Variants in NXPE4 observed in about 807,000 individuals in gnomAD.
NXPE4 encodes the protein NXPE family member 4.
NXPE4 carries 42 observed loss-of-function variants against 33.3 expected under a neutral mutation model. The observed-to-expected ratio is 1.26, with a 90% CI of 0.98 to 1.63. The LOEUF (loss-of-function observed/expected upper bound fraction) is 1.63. NXPE4 is among the 40% of genes most tolerant of loss of function. The pLI, the probability that NXPE4 is intolerant of heterozygous loss-of-function variation, is 0.00. For missense variants in NXPE4, 709 were observed against 647.6 expected (o/e 1.09, Z -1.03); for synonymous variants, 253 against 234.9 (o/e 1.08, Z -0.71).
chr11:114,623,996 G>A, the NXPE4 span, among the ~76,000 whole-genome samples: 2 of 152,108 alleles, frequency 1.3e-5, no homozygotes, highest in Non-Finnish European at 2.9e-5. Flanking sequence ...GGTAACCACT[G>A]TTACCCGGTG....
At chr11:114,641,562 A>T in the NXPE4 span, among the ~76,000 whole-genome samples, 2 of 152,116 alleles carry the variant, frequency 1.3e-5, no homozygotes, top group East Asian at 3.9e-4. Context: ...AGCAGTGAAA[A>T]TTAAGACTAA....
Position 114,582,598 on chromosome 11 carries a change from G to A in NXPE4, c.520C>T (p.Gln174Ter), listed in dbSNP as rs1260756978. Residue 174 changes from glutamine (Q) to a stop codon, truncating the protein, a stop_gained, in exon 3 of 6, where the codon CAG becomes TAG. Coordinates refer to ENST00000375478, the MANE Select transcript of NXPE4 (RefSeq NM_001077639.2). LOFTEE classifies it high-confidence loss of function. Reference sequence around the variant, plus strand: ...ATGAGCAGCAGAGACAGAGAGACCTGGCCCTCCCAGAACAGAGTGAAGCTG... The same window carrying A: ...ATGAGCAGCAGAGACAGAGAGACCTAGCCCTCCCAGAACAGAGTGAAGCTG... Reference protein sequence around the residue: ...LVSFTLFWEGQVSLSLLLIHP... With the variant: ...LVSFTLFWEG 1 of 1,614,122 alleles carries A rather than the reference G, an allele frequency of 6.2e-7. No individual in the cohort carries two copies. Among genetic ancestry groups the A allele is most frequent in the Non-Finnish European group, 8.5e-7 (1 of 1,179,982 alleles).
the NXPE4 span, among the ~76,000 whole-genome samples, chr11:114,669,483 C>T: frequency 3.3e-5 from 5 of 152,042 alleles, no homozygotes; most frequent in Admixed American, 6.6e-5. Flanking sequence ...TGCAGAGGTT[C>T]TATTCTACCC....
the NXPE4 span, among the ~76,000 whole-genome samples, chr11:114,603,858 C>G: frequency 6.6e-6 from 1 of 151,048 alleles, no homozygotes; most frequent in African/African-American, 2.5e-5. Context: ...TGCCTCCTCT[C>G]CTAGGTAACT....
chr11:114,646,031 GC>G, the NXPE4 span, among the ~76,000 whole-genome samples: 1 of 152,172 alleles, frequency 6.6e-6, no homozygotes, highest in East Asian at 1.9e-4. Flanking sequence ...TCTTGATTTT[GC>G]TAGGTTAAAT....
the NXPE4 span, among the ~76,000 whole-genome samples, chr11:114,664,678 G>T: frequency 5.3e-5 from 8 of 152,158 alleles, no homozygotes; most frequent in Non-Finnish European, 8.8e-5. Flanking sequence ...CTTATGAGTT[G>T]TTGACTCATA....
intron 2 of NXPE4, chr11:114,583,589 T>C: frequency 1.7e-6 from 1 of 595,768 alleles, no homozygotes; most frequent in Non-Finnish European, 3.3e-6. Context: ...CTGTCAGTTG[T>C]CTACTGGTGG....
chr11:114,589,928 C>T (rs1339152900), intron 2 of NXPE4, among the ~76,000 whole-genome samples: 1 of 152,182 alleles, frequency 6.6e-6, no homozygotes, highest in Non-Finnish European at 1.5e-5. Flanking sequence ...AATCCCTATA[C>T]CTTGCTAATC....
chr11:114,613,361 C>T, the NXPE4 span, among the ~76,000 whole-genome samples: 5 of 151,764 alleles, frequency 3.3e-5, no homozygotes, highest in Non-Finnish European at 7.4e-5. Flanking sequence ...CGTGGATAAC[C>T]ACGGTTACCC....
chr11:114,603,868 T>C, the NXPE4 span, among the ~76,000 whole-genome samples: 1 of 151,426 alleles, frequency 6.6e-6, no homozygotes, highest in Non-Finnish European at 1.5e-5. Context: ...CCTAGGTAAC[T>C]AATATTATCT....
chr11:114,593,481 C>T (rs1949509582), intron 2 of NXPE4, among the ~76,000 whole-genome samples: 1 of 152,106 alleles, frequency 6.6e-6, no homozygotes, highest in Non-Finnish European at 1.5e-5. Flanking sequence ...GTAATATAAT[C>T]TCACTCCTGT....
chr11:114,643,563 T>C, the NXPE4 span, among the ~76,000 whole-genome samples: 1 of 152,070 alleles, frequency 6.6e-6, no homozygotes, highest in Non-Finnish European at 1.5e-5. Context: ...GATCAGATGG[T>C]TGTAGATGTG....
At chr11:114,611,360 C>T in the NXPE4 span, among the ~76,000 whole-genome samples, 39,006 of 148,624 alleles carry the variant, frequency 0.26, 5,646 homozygotes, top group African/African-American at 0.39. Context: ...CACTGTTACC[C>T]GGTGGATAAT....
the NXPE4 span, among the ~76,000 whole-genome samples, chr11:114,640,135 A>G: frequency 8.6e-6 from 1 of 115,790 alleles, no homozygotes; most frequent in South Asian, 2.6e-4. Context: ...GTAATATATT[A>G]TATATAATAT....
the NXPE4 span, among the ~76,000 whole-genome samples, chr11:114,633,381 T>TTATATTA: frequency 8.3e-5 from 12 of 144,220 alleles, no homozygotes; most frequent in Non-Finnish European, 1.2e-4. Context: ...ATATTATGTA[T>TTATATTA]TATATTATAT....
At chr11:114,585,722 C>T (rs1949278990) in intron 2 of NXPE4, among the ~76,000 whole-genome samples, 1 of 152,072 alleles carries the variant, frequency 6.6e-6, no homozygotes, top group South Asian at 2.1e-4. Context: ...GAGTCCTTGG[C>T]AAGGCTTCCC....
At chr11:114,659,105 A>G in the NXPE4 span, among the ~76,000 whole-genome samples, 1 of 152,218 alleles carries the variant, frequency 6.6e-6, no homozygotes, top group African/African-American at 2.4e-5. Context: ...GACTAGATTG[A>G]GTCAATGCTC....
the NXPE4 span, among the ~76,000 whole-genome samples, chr11:114,671,100 C>T: frequency 6.8e-6 from 1 of 147,030 alleles, no homozygotes; most frequent in Non-Finnish European, 1.5e-5. Context: ...TATATATAAA[C>T]AAAAATATCA....
At chr11:114,580,701 C>A (rs1219598858) in intron 4 of NXPE4, among the ~76,000 whole-genome samples, 2 of 152,128 alleles carry the variant, frequency 1.3e-5, no homozygotes, top group East Asian at 3.9e-4. Flanking sequence ...CTCACTTTAC[C>A]CCTAAGTTTG....
Sources: gnomAD v4.1 joint callset for allele counts (sites outside exome capture counted in the v4.1 genomes callset) on GRCh38, gnomAD v4.1.1 for gene constraint, MANE v1.5 for transcripts, NCBI Gene and HGNC (gene_info 2026-07-23, HGNC 2026-07-21) for gene names.